Variants in TENM2 observed in about 807,000 individuals in gnomAD.
TENM2 encodes teneurin transmembrane protein 2.
A neutral mutation model predicts 245.2 loss-of-function variants in TENM2; 52 were observed. The observed-to-expected ratio is 0.21, with a 90% CI of 0.17 to 0.27. The LOEUF is 0.27. Ranked by LOEUF, TENM2 falls within the 10% of genes least tolerant of loss-of-function variation. The pLI is 1.00. For missense variants in TENM2, 3,046 were observed against 3,666.8 expected (o/e 0.83, Z 4.37); for synonymous variants, 1,363 against 1,438.9 (o/e 0.95, Z 1.19).
chr5:167,757,796 A>T (rs1762406733), intron 2 of TENM2, among the ~76,000 whole-genome samples: 2 of 152,228 alleles, frequency 1.3e-5, no homozygotes, highest in Non-Finnish European at 2.9e-5. Flanking sequence ...AAGTGGCATG[A>T]GATGGTATCT....
chr5:167,150,026 G>T, the TENM2 span, among the ~76,000 whole-genome samples: 2 of 152,130 alleles, frequency 1.3e-5, no homozygotes, highest in African/African-American at 4.8e-5. Flanking sequence ...AACACCCAGA[G>T]AAAACTCTTT....
At chr5:167,851,315 C>T (rs967565777) in intron 2 of TENM2, among the ~76,000 whole-genome samples, 1 of 152,050 alleles carries the variant, frequency 6.6e-6, no homozygotes, top group African/African-American at 2.4e-5. Flanking sequence ...TAGATTAATG[C>T]TTGTGTGCAT....
intron 2 of TENM2, among the ~76,000 whole-genome samples, chr5:167,461,397 C>T (rs917764454): frequency 2.6e-5 from 4 of 152,114 alleles, no homozygotes; most frequent in Non-Finnish European, 5.9e-5. Context: ...GAGACAGCTC[C>T]ATTCCAGGAG....
chr5:167,367,984 C>G lies in TENM2; in HGVS notation c.227-7214C>G, dbSNP rs191021235. On this transcript the variant is annotated intron_variant, in intron 1 of 28. Coordinates refer to ENST00000518659, the Ensembl canonical transcript of TENM2. ...AATTGTACTCCATATTCATTCTTGACTTTAAAATGTACGCTCTAACATTTG... is the reference window on the plus strand; with the variant it reads ...AATTGTACTCCATATTCATTCTTGAGTTTAAAATGTACGCTCTAACATTTG... Among the ~76,000 whole-genome samples, 13 of 152,072 alleles carry G rather than the reference C, an allele frequency of 8.5e-5. No homozygotes were observed. In the East Asian group the frequency reaches 2.5e-3, roughly 29 times the overall value.
intron 2 of TENM2, among the ~76,000 whole-genome samples, chr5:167,412,741 T>G (rs1194793241): frequency 6.6e-6 from 1 of 152,142 alleles, no homozygotes; most frequent in Non-Finnish European, 1.5e-5. Context: ...AAATCCAAAT[T>G]GATGAAACTT....
intron 23 of TENM2, among the ~76,000 whole-genome samples, chr5:168,219,846 A>C (rs1763512495): frequency 6.6e-6 from 1 of 151,590 alleles, no homozygotes; most frequent in Non-Finnish European, 1.5e-5. Flanking sequence ...AAAAAAAAAA[A>C]AAAGCGGGGG....
the TENM2 span, among the ~76,000 whole-genome samples, chr5:167,071,929 C>CT: frequency 1.4e-5 from 2 of 140,612 alleles, no homozygotes; most frequent in South Asian, 4.9e-4. Flanking sequence ...GATGCTAGCA[C>CT]TCAACGCTTT....
At chr5:168,049,697 T>G (rs140162622) in intron 6 of TENM2, among the ~76,000 whole-genome samples, 1 of 152,220 alleles carries the variant, frequency 6.6e-6, no homozygotes, top group Non-Finnish European at 1.5e-5. Context: ...ATTTTTCCCC[T>G]CCTGTGCAAC....
the TENM2 span, among the ~76,000 whole-genome samples, chr5:167,115,211 G>A: frequency 6.6e-6 from 1 of 150,650 alleles, no homozygotes; most frequent in Non-Finnish European, 1.5e-5. Context: ...GGCAACCGGA[G>A]CTGGTTGTGG....
At chr5:167,040,999 A>G in the TENM2 span, among the ~76,000 whole-genome samples, 2 of 152,204 alleles carry the variant, frequency 1.3e-5, no homozygotes, top group Non-Finnish European at 2.9e-5. Flanking sequence ...CCCTTAGGTT[A>G]CTAGATACCA....
At position 168,011,309 on chromosome 5, in the gene TENM2, C is replaced by T. The variant is rs369725776; in HGVS notation, c.1186+18127C>T. The stretch of plus-strand genomic sequence containing the variant: ...CAGGATTCTGCCTTTTTCTCTAAGT[C>T]AGTGCGCCCTCACATCAGCCCTGAG... On this transcript the variant is annotated intron_variant, in intron 5 of 28. Coordinates refer to ENST00000518659, the Ensembl canonical transcript of TENM2. Among the ~76,000 whole-genome samples, 8 of 152,200 alleles carry T rather than the reference C, an allele frequency of 5.3e-5. No individual in the cohort carries two copies. The South Asian group carries it at 1.7e-3, about 31-fold the overall frequency.
chr5:167,263,109 A>G, the TENM2 span, among the ~76,000 whole-genome samples: 1 of 152,280 alleles, frequency 6.6e-6, no homozygotes, highest in Non-Finnish European at 1.5e-5. Flanking sequence ...CACTGTAAGA[A>G]TTTGGGAGGG....
intron 23 of TENM2, among the ~76,000 whole-genome samples, chr5:168,223,343 C>CT (rs1763836855): frequency 6.6e-6 from 1 of 152,170 alleles, no homozygotes; most frequent in Non-Finnish European, 1.5e-5. Context: ...GGAGGAGAAA[C>CT]TGTCTGTTAC....
At chr5:168,087,615 A>C (rs1247430626) in intron 7 of TENM2, among the ~76,000 whole-genome samples, 1 of 151,880 alleles carries the variant, frequency 6.6e-6, no homozygotes, top group Non-Finnish European at 1.5e-5. Context: ...TCTCAAAAAA[A>C]AAAAAAAGAA....
At chr5:167,268,217 C>T in the TENM2 span, among the ~76,000 whole-genome samples, 896 of 152,224 alleles carry the variant, frequency 5.9e-3, 17 homozygotes, top group East Asian at 0.08. Flanking sequence ...CACTGACAAA[C>T]CTCAATGCCA....
intron 2 of TENM2, among the ~76,000 whole-genome samples, chr5:167,430,826 C>T (rs929718343): frequency 2.6e-5 from 4 of 152,192 alleles, no homozygotes; most frequent in African/African-American, 9.7e-5. Flanking sequence ...ATTCTGCCTA[C>T]AAATGTCAGA....
chr5:167,814,288 A>C (rs1166916794), intron 2 of TENM2, among the ~76,000 whole-genome samples: 1 of 152,122 alleles, frequency 6.6e-6, no homozygotes, highest in Non-Finnish European at 1.5e-5. Flanking sequence ...TTCAAGCATC[A>C]GTCCCCAGGA....
chr5:168,004,507 GCGCGCGCGCGCACACA>G (rs1320837802), intron 5 of TENM2, among the ~76,000 whole-genome samples: 8 of 64,854 alleles, frequency 1.2e-4, no homozygotes, highest in Admixed American at 1.7e-4. Flanking sequence ...ATGCACGCAT[GCGCGCGCGCGCACACA>G]CACACACACA....
intron 2 of TENM2, among the ~76,000 whole-genome samples, chr5:167,747,703 T>C (rs986901372): frequency 6.6e-6 from 1 of 152,182 alleles, no homozygotes; most frequent in African/African-American, 2.4e-5. Flanking sequence ...CTTTTTCTGT[T>C]ACTTGCCATA....
Sources: gnomAD v4.1 joint callset for allele counts (sites outside exome capture counted in the v4.1 genomes callset) on GRCh38, gnomAD v4.1.1 for gene constraint, MANE v1.5 for transcripts, NCBI Gene and HGNC (gene_info 2026-07-23, HGNC 2026-07-21) for gene names.